Variants in LEKR1 observed in about 807,000 individuals in gnomAD.
LEKR1 encodes protein LEKR1.
In LEKR1, 59 loss-of-function variants were observed where a neutral mutation model predicts 72.4. That is an observed-to-expected ratio of 0.82 (90% confidence interval 0.66 to 1.01). The LOEUF (loss-of-function observed/expected upper bound fraction) is 1.01. Ranked by LOEUF, LEKR1 falls within the 50% of genes least tolerant of loss-of-function variation. The pLI is 0.00. For missense variants in LEKR1, 728 were observed against 759.2 expected (o/e 0.96, Z 0.48); for synonymous variants, 257 against 263.2 (o/e 0.98, Z 0.23).
At chr3:157,023,872 C>A (rs1045239486) in intron 10 of LEKR1, among the ~76,000 whole-genome samples, 1 of 152,186 alleles carries the variant, frequency 6.6e-6, no homozygotes, top group Non-Finnish European at 1.5e-5. Context: ...ATGCTCTTCA[C>A]CTTTCAGTGG....
chr3:156,991,671 T>G (rs1731154137), intron 7 of LEKR1, among the ~76,000 whole-genome samples: 1 of 152,202 alleles, frequency 6.6e-6, no homozygotes, highest in African/African-American at 2.4e-5. Flanking sequence ...TTCATTTGGT[T>G]CTTTTTAATG....
chr3:156,890,056 T>C (rs1720503190), intron 3 of LEKR1, among the ~76,000 whole-genome samples: 1 of 152,190 alleles, frequency 6.6e-6, no homozygotes, highest in East Asian at 1.9e-4. Flanking sequence ...ATCTACCTAA[T>C]AGCAAAATTG....
At chr3:156,873,397 A>ATTTACTCTG (rs1339843008) in intron 3 of LEKR1, among the ~76,000 whole-genome samples, 2 of 151,802 alleles carry the variant, frequency 1.3e-5, no homozygotes, top group Non-Finnish European at 2.9e-5. Flanking sequence ...TAAAGGGAAC[A>ATTTACTCTG]TTTACTCTGT....
chr3:156,904,399 T>C (rs1722326570), intron 3 of LEKR1, among the ~76,000 whole-genome samples: 2 of 151,166 alleles, frequency 1.3e-5, no homozygotes, highest in Non-Finnish European at 2.9e-5. Flanking sequence ...ATATATAAGC[T>C]CTATAATACA....
At chr3:157,001,326 C>T (rs1731996164) in intron 9 of LEKR1, among the ~76,000 whole-genome samples, 1 of 152,206 alleles carries the variant, frequency 6.6e-6, no homozygotes, top group Admixed American at 6.5e-5. Context: ...TGTTATCACA[C>T]ACTCACTTCT....
chr3:156,869,175 C>T (rs1182330202), intron 3 of LEKR1, among the ~76,000 whole-genome samples: 1 of 151,862 alleles, frequency 6.6e-6, no homozygotes, highest in Admixed American at 6.6e-5. Context: ...TACAAGTATC[C>T]CTTTGATATA....
rs531092514 is a variant in LEKR1, at chr3:157,034,120, A to C, written c.1668+5718A>C. On this transcript the variant is annotated intron_variant, in intron 12 of 12. Transcript: ENST00000356539. ...TGCATCTGGTCACCCAAGAGCTCTG[A>C]TGGAGATGTACAAGGGGATTAATGT... 2.6e-5 allele frequency among the ~76,000 whole-genome samples: 4 copies of C among 152,218 alleles called. No homozygotes were observed. The South Asian group carries it at 8.3e-4, about 32-fold the overall frequency.
chr3:156,950,453 T>G (rs1560102805), intron 6 of LEKR1, among the ~76,000 whole-genome samples: 1 of 151,694 alleles, frequency 6.6e-6, no homozygotes, highest in Non-Finnish European at 1.5e-5. Context: ...CTGATATTGA[T>G]TCTTCCAATC....
At chr3:156,974,183 G>A (rs1380124640) in intron 6 of LEKR1, among the ~76,000 whole-genome samples, 1 of 152,106 alleles carries the variant, frequency 6.6e-6, no homozygotes, top group Admixed American at 6.6e-5. Context: ...GAAATATTAT[G>A]TATCAGTCAG....
At chr3:156,868,054 T>G in intron 3 of LEKR1, among the ~76,000 whole-genome samples, 1 of 152,044 alleles carries the variant, frequency 6.6e-6, no homozygotes, top group East Asian at 1.9e-4. Context: ...TGTTTTCCAT[T>G]AACAATAATG....
intron 3 of LEKR1, among the ~76,000 whole-genome samples, chr3:156,892,773 C>G (rs577114492): frequency 1.3e-3 from 203 of 152,266 alleles, no homozygotes; most frequent in Admixed American, 2.1e-3. Flanking sequence ...GTTGACTGAC[C>G]AATCAATCTT....
chr3:156,964,196 C>G (rs1728361171), intron 6 of LEKR1, among the ~76,000 whole-genome samples: 1 of 152,010 alleles, frequency 6.6e-6, no homozygotes, highest in African/African-American at 2.4e-5. Context: ...GATGTGAATC[C>G]TTCTAGACTT....
chr3:156,998,153 G>A (rs995396451), intron 9 of LEKR1, among the ~76,000 whole-genome samples: 4 of 152,044 alleles, frequency 2.6e-5, no homozygotes, highest in African/African-American at 9.7e-5. Flanking sequence ...ACAAGGTCTC[G>A]GTGGCCAAGG....
At chr3:156,835,769 C>T (rs1441013173) in intron 2 of LEKR1, among the ~76,000 whole-genome samples, 8 of 151,696 alleles carry the variant, frequency 5.3e-5, no homozygotes, top group Non-Finnish European at 1.0e-4. Flanking sequence ...TCTCGTAAAG[C>T]CTCTCTCATA....
At chr3:156,941,055 AT>A (rs1479382876) in intron 5 of LEKR1, among the ~76,000 whole-genome samples, 18 of 152,104 alleles carry the variant, frequency 1.2e-4, no homozygotes, top group African/African-American at 4.3e-4. Context: ...TCTTTTAAAA[AT>A]TTTATGTACT....
At chr3:156,977,109 A>G (rs1036275130) in intron 6 of LEKR1, among the ~76,000 whole-genome samples, 1 of 152,144 alleles carries the variant, frequency 6.6e-6, no homozygotes, top group Non-Finnish European at 1.5e-5. Context: ...CTTCCAGCCC[A>G]TGATGAAAAA....
chr3:156,919,990 T>C (rs1724040618), intron 3 of LEKR1, among the ~76,000 whole-genome samples: 3 of 152,176 alleles, frequency 2.0e-5, no homozygotes, highest in Non-Finnish European at 4.4e-5. Flanking sequence ...CCTTGATTTT[T>C]TTTCTCTCTT....
At chr3:156,959,949 C>A (rs146574520) in intron 6 of LEKR1, among the ~76,000 whole-genome samples, 3 of 152,224 alleles carry the variant, frequency 2.0e-5, no homozygotes, top group Admixed American at 6.5e-5. Flanking sequence ...TCATCCCCCC[C>A]ACCCATGTTC....
intron 6 of LEKR1, among the ~76,000 whole-genome samples, chr3:156,963,854 CT>C (rs991574914): frequency 6.6e-6 from 1 of 152,182 alleles, no homozygotes; most frequent in Non-Finnish European, 1.5e-5. Flanking sequence ...CAGATTTCCA[CT>C]GCCTAGGAGC....
Sources: allele counts gnomAD v4.1 joint callset (sites outside exome capture counted in the v4.1 genomes callset), GRCh38; gene constraint gnomAD v4.1.1; transcripts MANE v1.5; gene names NCBI Gene and HGNC (gene_info 2026-07-23, HGNC 2026-07-21).